Variants in HUNK observed in about 807,000 individuals in gnomAD.
The protein encoded by HUNK is hormonally up-regulated neu tumor-associated kinase.
HUNK carries 21 observed loss-of-function variants against 61.0 expected under a neutral mutation model. The observed-to-expected ratio is 0.34, with a 90% confidence interval of 0.24 to 0.50. The LOEUF (loss-of-function observed/expected upper bound fraction) is 0.50, where lower values mean the gene tolerates loss of function less well. HUNK is among the 20% of genes least tolerant of loss of function. The pLI is 0.98. For missense variants in HUNK, 772 were observed against 945.7 expected, an observed-to-expected ratio of 0.82 and a Z score of 2.41; for synonymous variants, 371 against 386.1, an observed-to-expected ratio of 0.96 and a Z score of 0.46.
chr21:31,996,006 GT>G, intron 10 of HUNK, 58 bp downstream of exon 10: 1 of 1,333,442 alleles, frequency 7.5e-7, no homozygotes, highest in Non-Finnish European at 1.0e-6. Flanking sequence ...TGTCCGCTGT[GT>G]AGCCCTCACA....
intron 1 of HUNK, among the ~76,000 whole-genome samples, chr21:31,880,315 C>T (rs902442080): frequency 6.6e-6 from 1 of 152,192 alleles, no homozygotes; most frequent in Non-Finnish European, 1.5e-5. Context: ...TAGGATGGTT[C>T]TAACAAATTA....
chr21:31,897,202 C>T (rs528728386), intron 1 of HUNK, among the ~76,000 whole-genome samples: 2 of 152,310 alleles, frequency 1.3e-5, no homozygotes, highest in South Asian at 4.1e-4. Flanking sequence ...GCCGAGATCA[C>T]ACCACTCACT....
At position 31,940,154 on chromosome 21, in the gene HUNK, G is replaced by T; in HGVS notation, c.555-11G>T. ...CTTATCTGAAATGCTGTGTGGTTTTGTTTATTTCAGAGACTTGAAGATAGA... is the reference window on the plus strand; with the variant it reads ...CTTATCTGAAATGCTGTGTGGTTTTTTTTATTTCAGAGACTTGAAGATAGA... On this transcript the variant is annotated splice_polypyrimidine_tract_variant and intron_variant, in intron 2 of 10. Coordinates refer to ENST00000270112, the MANE Select transcript of HUNK (RefSeq NM_014586.2). 1 of 1,575,366 alleles carries T rather than the reference G, an allele frequency of 6.3e-7. No individual in the cohort carries two copies. Among genetic ancestry groups the T allele is most frequent in the Non-Finnish European group, 8.6e-7 (1 of 1,157,554 alleles).
intron 6 of HUNK, among the ~76,000 whole-genome samples, chr21:31,971,248 T>C (rs990047528): frequency 6.6e-6 from 1 of 151,836 alleles, no homozygotes; most frequent in Non-Finnish European, 1.5e-5. Flanking sequence ...GTTTTTGTAT[T>C]TTTAGTAGAG....
chr21:31,920,225 A>G (rs994086563), intron 1 of HUNK, among the ~76,000 whole-genome samples: 6 of 152,222 alleles, frequency 3.9e-5, no homozygotes, highest in African/African-American at 1.4e-4. Flanking sequence ...TTATGAGGAC[A>G]TTTAGGGCCT....
At chr21:31,950,275 A>G (rs1241075925) in intron 4 of HUNK, among the ~76,000 whole-genome samples, 3 of 152,206 alleles carry the variant, frequency 2.0e-5, no homozygotes, top group Non-Finnish European at 2.9e-5. Flanking sequence ...GGAACCAGCT[A>G]TGGGAAGAGG....
At chr21:31,974,475 G>C in intron 6 of HUNK, 80 bp from the exon 7 acceptor site, 1 of 1,315,874 alleles carries the variant, frequency 7.6e-7, no homozygotes, top group East Asian at 2.5e-5. Context: ...AATGAATGAA[G>C]CTGATTGTGC....
chr21:31,951,871 T>TG (rs1170762146), intron 4 of HUNK, among the ~76,000 whole-genome samples: 4 of 152,198 alleles, frequency 2.6e-5, no homozygotes, highest in Admixed American at 2.6e-4. Flanking sequence ...ATGGTATTAG[T>TG]GTTTTCTCTG....
intron 4 of HUNK, among the ~76,000 whole-genome samples, chr21:31,955,681 CT>C (rs2052885019): frequency 6.6e-6 from 1 of 152,234 alleles, no homozygotes; most frequent in African/African-American, 2.4e-5. Flanking sequence ...TCCAATGCCT[CT>C]GGTTATGCTT....
chr21:31,924,830 C>T lies in HUNK; in HGVS notation c.554+70C>T. The T allele has an allele frequency of 7.7e-7, 1 of 1,293,514 alleles. No homozygotes were observed. The highest frequency in any genetic ancestry group is 1.1e-6 in the Non-Finnish European group (1 of 938,872). 80.1% of individuals were successfully genotyped at this position (1,293,514 alleles called of 1,614,324 possible). On this transcript the variant is annotated intron_variant, in intron 2 of 10. Transcript: ENST00000270112. This position sits in a 1 kb window ranked among gnomAD's most constrained non-coding sequence, Gnocchi z 5.1. ...GGGTGGCACTGGGCTGTGGCACCCT[C>T]TGAGCCTCTGAGAAAGGCTGAGCAA...
intron 2 of HUNK, among the ~76,000 whole-genome samples, chr21:31,934,948 T>G (rs2052723359): frequency 6.6e-6 from 1 of 152,184 alleles, no homozygotes; most frequent in African/African-American, 2.4e-5. Context: ...TTTGCGGTTG[T>G]GAATAGCGCT....
chr21:31,942,235 G>GT (rs2052773939), intron 3 of HUNK, among the ~76,000 whole-genome samples: 1 of 152,192 alleles, frequency 6.6e-6, no homozygotes, highest in Admixed American at 6.5e-5. Context: ...GGTGAGTCGT[G>GT]TAAGGTACAG....
At chr21:31,883,570 C>A (rs2052325191) in intron 1 of HUNK, among the ~76,000 whole-genome samples, 1 of 152,080 alleles carries the variant, frequency 6.6e-6, no homozygotes, top group Admixed American at 6.5e-5. Flanking sequence ...TTCCCTCGCT[C>A]CCCATTATTC....
chr21:31,991,341 C>T (rs905836488), intron 9 of HUNK, among the ~76,000 whole-genome samples: 1 of 152,094 alleles, frequency 6.6e-6, no homozygotes, highest in Non-Finnish European at 1.5e-5. Context: ...GTCTCAACCT[C>T]TCAAGTACCT....
intron 4 of HUNK, among the ~76,000 whole-genome samples, chr21:31,950,906 G>A (rs1310611601): frequency 6.6e-6 from 1 of 152,054 alleles, no homozygotes; most frequent in Admixed American, 6.6e-5. Flanking sequence ...GGACCTGATG[G>A]ATGGCAGAGA....
chr21:31,964,221 G>C (rs2052948107), intron 5 of HUNK, among the ~76,000 whole-genome samples: 1 of 152,222 alleles, frequency 6.6e-6, no homozygotes, highest in Non-Finnish European at 1.5e-5. Context: ...TATGAGGGTT[G>C]AGTCAGTGCT....
At chr21:31,911,782 C>G (rs1352280652) in intron 1 of HUNK, among the ~76,000 whole-genome samples, 1 of 152,082 alleles carries the variant, frequency 6.6e-6, no homozygotes, top group Admixed American at 6.5e-5. Flanking sequence ...GAGGGTCCTT[C>G]TGTCATGGAT....
intron 7 of HUNK, among the ~76,000 whole-genome samples, chr21:31,978,580 A>C (rs1191409392): frequency 6.6e-6 from 1 of 152,004 alleles, no homozygotes; most frequent in Non-Finnish European, 1.5e-5. Flanking sequence ...ATTGTACACT[A>C]TTTGTCTTTC....
At chr21:31,876,679 G>T (rs2052264576) in intron 1 of HUNK, among the ~76,000 whole-genome samples, 1 of 152,180 alleles carries the variant, frequency 6.6e-6, no homozygotes, top group African/African-American at 2.4e-5. Flanking sequence ...CTGAGGAAAA[G>T]GAGGTCATTA....
Sources: allele counts gnomAD v4.1 joint callset (sites outside exome capture counted in the v4.1 genomes callset), GRCh38; gene constraint gnomAD v4.1.1; non-coding constraint Gnocchi (gnomAD v3.1); transcripts MANE v1.5; gene names NCBI Gene and HGNC (gene_info 2026-07-23, HGNC 2026-07-21).